GPHN: variants seen among roughly 807,000 people sequenced by gnomAD.
The protein encoded by GPHN is gephyrin.
GPHN carries 17 observed loss-of-function variants against 95.5 expected under a neutral mutation model. That is an observed-to-expected ratio of 0.18 (90% CI 0.12 to 0.27). The LOEUF (loss-of-function observed/expected upper bound fraction) is 0.27, where lower values mean the gene tolerates loss of function less well. Ranked by LOEUF, GPHN falls within the 10% of genes least tolerant of loss-of-function variation. GPHN has a pLI of 1.00. For synonymous variants in GPHN, 320 were observed against 322.5 expected (o/e 0.99, Z 0.08); for missense variants, 660 against 978.1 (o/e 0.67, Z 4.34).
At chr14:66,848,037 A>G (rs1045471170) in intron 4 of GPHN, among the ~76,000 whole-genome samples, 1 of 152,108 alleles carries the variant, frequency 6.6e-6, no homozygotes, top group African/African-American at 2.4e-5. Flanking sequence ...GAACATCAAA[A>G]TCAATACCTG....
the GPHN span, chr14:67,586,500 T>C: frequency 1.0e-6 from 1 of 977,126 alleles, no homozygotes; most frequent in East Asian, 5.9e-5. Context: ...CAACATTAGC[T>C]ACAAAGTGGG....
chr14:67,672,254 G>A, the GPHN span, among the ~76,000 whole-genome samples: 1 of 151,634 alleles, frequency 6.6e-6, no homozygotes, highest in Non-Finnish European at 1.5e-5. Context: ...CAGGAGCTGG[G>A]ACTACAGGCA....
the GPHN span, among the ~76,000 whole-genome samples, chr14:67,553,949 A>AGG: frequency 6.6e-6 from 1 of 152,196 alleles, no homozygotes; most frequent in African/African-American, 2.4e-5. Flanking sequence ...TGGCTTGAAC[A>AGG]CGTGAATGCC....
intron 4 of GPHN, among the ~76,000 whole-genome samples, chr14:66,827,384 A>G (rs2061424920): frequency 6.6e-6 from 1 of 152,084 alleles, no homozygotes; most frequent in African/African-American, 2.4e-5. Flanking sequence ...GGGTTTTATG[A>G]GTTCTATAAT....
intron 2 of GPHN, among the ~76,000 whole-genome samples, chr14:66,735,782 C>G (rs539949981): frequency 6.1e-4 from 93 of 152,086 alleles, no homozygotes; most frequent in African/African-American, 2.2e-3. Flanking sequence ...AACAGACTCT[C>G]TAGAAGAAAT....
the GPHN span, among the ~76,000 whole-genome samples, chr14:67,709,865 A>G: frequency 1.7e-4 from 26 of 152,326 alleles, no homozygotes; most frequent in South Asian, 4.8e-3. Context: ...GGCCCCCAAA[A>G]TCACTAAGGA....
At chr14:67,334,273 C>G in the GPHN span, 1 of 152,618 alleles carries the variant, frequency 6.6e-6, no homozygotes, top group African/African-American at 2.4e-5. Context: ...CGTACTGTCT[C>G]TATAGCTGTA....
chr14:67,590,229 G>T, the GPHN span: 1 of 1,361,836 alleles, frequency 7.3e-7, no homozygotes, highest in South Asian at 1.4e-5. Flanking sequence ...GGAGTGCAGT[G>T]GTGCTGCATC....
the GPHN span, chr14:67,647,042 G>C: frequency 6.5e-7 from 1 of 1,533,676 alleles, no homozygotes; most frequent in Non-Finnish European, 9.0e-7. Context: ...AACTATAACT[G>C]ATGTCAGGGC....
intron 10 of GPHN, among the ~76,000 whole-genome samples, chr14:67,042,134 A>C (rs1030783638): frequency 6.6e-6 from 1 of 151,460 alleles, no homozygotes; most frequent in Non-Finnish European, 1.5e-5. Flanking sequence ...AGATGAGTAG[A>C]TTGCAAAAAT....
chr14:67,413,232 T>C, the GPHN span, among the ~76,000 whole-genome samples: 1 of 152,218 alleles, frequency 6.6e-6, no homozygotes, highest in East Asian at 1.9e-4. Context: ...TGATTCTGTC[T>C]AACAATCCTT....
chr14:66,880,521 T>A (rs1173808994), intron 5 of GPHN, among the ~76,000 whole-genome samples: 1 of 152,020 alleles, frequency 6.6e-6, no homozygotes, highest in Non-Finnish European at 1.5e-5. Context: ...TATCTATTAA[T>A]TGTAGGTAAA....
chr14:66,727,746 A>C (rs867173289), intron 2 of GPHN, among the ~76,000 whole-genome samples: 2 of 152,332 alleles, frequency 1.3e-5, no homozygotes, highest in South Asian at 2.1e-4. Flanking sequence ...ATTCAGTTTT[A>C]AAAGGGAAAC....
At chr14:67,383,258 A>G in the GPHN span, 2 of 1,571,402 alleles carry the variant, frequency 1.3e-6, no homozygotes, top group Non-Finnish European at 1.7e-6. Context: ...TAGTATTGAA[A>G]TTAAATTTGT....
intron 4 of GPHN, among the ~76,000 whole-genome samples, chr14:66,872,700 A>G (rs1197609088): frequency 6.6e-6 from 1 of 152,108 alleles, no homozygotes; most frequent in Non-Finnish European, 1.5e-5. Flanking sequence ...GTTCGAGACC[A>G]GCTTGGCCAA....
the GPHN span, among the ~76,000 whole-genome samples, chr14:67,216,914 G>A: frequency 2.0e-5 from 3 of 152,156 alleles, no homozygotes; most frequent in Non-Finnish European, 4.4e-5. Flanking sequence ...TTCTATAAAT[G>A]TCTGTTAAGT....
At chr14:67,205,798 C>G in the GPHN span, among the ~76,000 whole-genome samples, 31 of 152,272 alleles carry the variant, frequency 2.0e-4, 1 homozygote, top group Admixed American at 1.8e-3. Context: ...AATGAAGGAG[C>G]TGTGTTTTTA....
chr14:66,605,380 A>C (rs555431651), intron 1 of GPHN, among the ~76,000 whole-genome samples: 340 of 152,210 alleles, frequency 2.2e-3, no homozygotes, highest in African/African-American at 7.7e-3. Context: ...TGACTTTTTA[A>C]TAATCACCAT....
intron 3 of GPHN, among the ~76,000 whole-genome samples, chr14:66,794,537 A>G (rs1040834268): frequency 1.3e-5 from 2 of 152,230 alleles, no homozygotes; most frequent in Admixed American, 6.5e-5. Flanking sequence ...GAAAAATAAA[A>G]TATATAATTA....
Sources: gnomAD v4.1 joint callset for allele counts (sites outside exome capture counted in the v4.1 genomes callset) on GRCh38, gnomAD v4.1.1 for gene constraint, MANE v1.5 for transcripts, NCBI Gene and HGNC (gene_info 2026-07-23, HGNC 2026-07-21) for gene names.